The following FAM178B variants were observed in gnomAD, a reference collection of about 807,000 sequenced individuals.
The protein encoded by FAM178B is family with sequence similarity 178 member B.
FAM178B carries 82 observed loss-of-function variants against 91.7 expected under a neutral mutation model. The observed-to-expected ratio is 0.89, with a 90% confidence interval of 0.75 to 1.07. The LOEUF (loss-of-function observed/expected upper bound fraction) is 1.07. FAM178B is among the 50% of genes least tolerant of loss of function. The probability of loss-of-function intolerance (pLI) is 0.00; values close to 1 mark genes in which losing one functional copy is unlikely to be tolerated. For missense variants in FAM178B, 769 were observed against 846.7 expected, an observed-to-expected ratio of 0.91 and a Z score of 1.14; for synonymous variants, 368 against 359.4, an observed-to-expected ratio of 1.02 and a Z score of -0.27.
chr2:96,894,801 ACT>A (rs2080782779), intron 13 of FAM178B, among the ~76,000 whole-genome samples: 1 of 47,320 alleles, frequency 2.1e-5, no homozygotes, highest in Non-Finnish European at 3.9e-5. Context: ...TCACACACAC[ACT>A]CACCCACATA....
At chr2:96,897,029 G>T (rs1204604413) in intron 13 of FAM178B, among the ~76,000 whole-genome samples, 1 of 152,170 alleles carries the variant, frequency 6.6e-6, no homozygotes, top group Admixed American at 6.5e-5. Flanking sequence ...ACCACGTCCA[G>T]CTAATTTTTG....
intron 8 of FAM178B, among the ~76,000 whole-genome samples, chr2:96,943,965 G>T (rs979665768): frequency 3.3e-5 from 5 of 152,062 alleles, no homozygotes; most frequent in African/African-American, 1.2e-4. Flanking sequence ...TATCCCAGCT[G>T]GGCGCGGTGG....
At chr2:96,936,180 T>G (rs912817684) in intron 8 of FAM178B, among the ~76,000 whole-genome samples, 4 of 150,326 alleles carry the variant, frequency 2.7e-5, no homozygotes, top group Admixed American at 1.3e-4. Flanking sequence ...AACAAAAGTA[T>G]TCTTCTTTTT....
At chr2:96,942,822 T>C (rs1018894223) in intron 8 of FAM178B, among the ~76,000 whole-genome samples, 3 of 152,162 alleles carry the variant, frequency 2.0e-5, no homozygotes, top group Non-Finnish European at 2.9e-5. Flanking sequence ...GGAATAAAAT[T>C]GAGAGTTCAA....
At chr2:96,986,100 C>G in intron 1 of FAM178B, 141 bp downstream of exon 1, 1 of 1,449,356 alleles carries the variant, frequency 6.9e-7, no homozygotes. Context: ...GTCGCAGGAA[C>G]CTGAAAAGCG....
chr2:96,964,421 A>G (rs2082119360), intron 5 of FAM178B, among the ~76,000 whole-genome samples: 1 of 152,114 alleles, frequency 6.6e-6, no homozygotes, highest in Admixed American at 6.5e-5. Context: ...TTAGACCAGC[A>G]CTAAATAATA....
intron 15 of FAM178B, 61 bp downstream of exon 15, chr2:96,878,355 G>T: frequency 6.6e-7 from 1 of 1,504,590 alleles, no homozygotes. Flanking sequence ...AACCCCCGCC[G>T]CTTGGGGGAG....
chr2:96,986,539 A>G lies in FAM178B; in HGVS notation c.-226T>C, dbSNP rs1292110775. The G allele has an allele frequency of 3.7e-6, 2 of 547,050 alleles. No individual in the cohort carries two copies. The allele number at this position is 547,050 out of a possible 1,614,324, so 33.9% of individuals were successfully genotyped here. On this transcript the variant is annotated 5_prime_UTR_variant, in exon 1 of 17. Transcript: ENST00000490605. ...ACTCCAAACCAAGCGGCCAGCTCAC[A>G]GCCGCCGCCGCCGCCAGCTGGGGAG...
At chr2:96,887,586 T>C (rs1379378927) in intron 14 of FAM178B, among the ~76,000 whole-genome samples, 1 of 152,208 alleles carries the variant, frequency 6.6e-6, no homozygotes, top group Non-Finnish European at 1.5e-5. Context: ...AGAGCGTTTC[T>C]GGGAGAGCAT....
intron 8 of FAM178B, among the ~76,000 whole-genome samples, chr2:96,942,387 C>A (rs57035274): frequency 0.19 from 28,191 of 152,124 alleles, 4,225 homozygotes; most frequent in African/African-American, 0.41. Context: ...GAAAGGACCC[C>A]AAACAGCCAA....
At chr2:96,907,899 G>A (rs1023854722) in intron 12 of FAM178B, among the ~76,000 whole-genome samples, 1 of 152,230 alleles carries the variant, frequency 6.6e-6, no homozygotes, top group Admixed American at 6.5e-5. Context: ...CCTGGCCAAA[G>A]GCATGAGCTG....
intron 12 of FAM178B, among the ~76,000 whole-genome samples, chr2:96,902,958 G>C (rs1329566112): frequency 1.3e-5 from 2 of 152,242 alleles, no homozygotes; most frequent in African/African-American, 4.8e-5. Context: ...CCACAGAGCT[G>C]GGCTTTTCTT....
At chr2:96,949,353 C>T (rs2081886857) in intron 7 of FAM178B, among the ~76,000 whole-genome samples, 1 of 152,182 alleles carries the variant, frequency 6.6e-6, no homozygotes, top group Non-Finnish European at 1.5e-5. Flanking sequence ...CCCGAGTTGC[C>T]TTTGACTGGA....
chr2:96,962,249 C>T (rs542407082), intron 5 of FAM178B, among the ~76,000 whole-genome samples: 1 of 152,070 alleles, frequency 6.6e-6, no homozygotes, highest in African/African-American at 2.4e-5. Flanking sequence ...TTGCGGTAAG[C>T]CGAGATTGCA....
intron 8 of FAM178B, among the ~76,000 whole-genome samples, chr2:96,936,515 GT>G (rs202100606): frequency 0.2 from 25,157 of 125,280 alleles, 3,409 homozygotes; most frequent in African/African-American, 0.44. Flanking sequence ...TTTTTTGGTT[GT>G]TTTTTTTTTT....
intron 5 of FAM178B, among the ~76,000 whole-genome samples, chr2:96,967,098 GC>G (rs1334477054): frequency 1.3e-5 from 2 of 152,144 alleles, no homozygotes; most frequent in Non-Finnish European, 2.9e-5. Context: ...CCAGCCAATG[GC>G]CCAATTAAAT....
chr2:96,889,077 G>A (rs1366084185), intron 14 of FAM178B, among the ~76,000 whole-genome samples: 1 of 152,220 alleles, frequency 6.6e-6, no homozygotes, highest in Non-Finnish European at 1.5e-5. Flanking sequence ...CATAACAGGT[G>A]CAGAACCCAC....
chr2:96,885,460 G>C (rs571143431), intron 14 of FAM178B, among the ~76,000 whole-genome samples: 7 of 152,360 alleles, frequency 4.6e-5, no homozygotes, highest in African/African-American at 1.7e-4. Flanking sequence ...AGCAGCCCTG[G>C]CTCCTGCTCG....
intron 12 of FAM178B, among the ~76,000 whole-genome samples, chr2:96,918,907 T>C (rs2081286274): frequency 6.6e-6 from 1 of 152,202 alleles, no homozygotes; most frequent in Non-Finnish European, 1.5e-5. Flanking sequence ...TTCTGTTCCA[T>C]TCTGATTACC....
Sources: allele counts gnomAD v4.1 joint callset (sites outside exome capture counted in the v4.1 genomes callset), GRCh38; gene constraint gnomAD v4.1.1; transcripts MANE v1.5; gene names NCBI Gene and HGNC (gene_info 2026-07-23, HGNC 2026-07-21).